Variants in RGS6 observed in about 807,000 individuals in gnomAD.
RGS6 encodes the protein regulator of G-protein signaling 6.
Under a neutral mutation model 78.5 loss-of-function variants are expected in RGS6, and 30 were observed. The ratio of observed to expected loss-of-function variants is 0.38; its 90% CI spans 0.29 to 0.52. The LOEUF is 0.52. Ranked by LOEUF, RGS6 falls within the 20% of genes least tolerant of loss-of-function variation. The pLI is 0.85. For missense variants in RGS6, 495 were observed against 609.7 expected (o/e 0.81, Z 1.98); for synonymous variants, 206 against 206.0 (o/e 1.00, Z 0.00).
intron 2 of RGS6, among the ~76,000 whole-genome samples, chr14:72,027,496 C>G (rs914838001): frequency 7.2e-5 from 11 of 152,062 alleles, no homozygotes; most frequent in Admixed American, 3.9e-4. Flanking sequence ...AATCTGCCCA[C>G]CCTCTTCCAC....
intron 2 of RGS6, among the ~76,000 whole-genome samples, chr14:72,337,648 C>T (rs2076286407): frequency 6.6e-6 from 1 of 152,146 alleles, no homozygotes; most frequent in African/African-American, 2.4e-5. Flanking sequence ...TTTTCCTAGG[C>T]CCTGCCTGAC....
intron 2 of RGS6, among the ~76,000 whole-genome samples, chr14:72,267,326 G>A (rs2059228900): frequency 6.8e-6 from 1 of 147,490 alleles, no homozygotes; most frequent in Admixed American, 7.0e-5. Flanking sequence ...AAATTATAAT[G>A]ACATGCAAAT....
intron 13 of RGS6, 98 bp from the exon 14 acceptor site, chr14:72,510,056 T>C: frequency 7.3e-7 from 1 of 1,368,926 alleles, no homozygotes; most frequent in Non-Finnish European, 9.9e-7. Context: ...TTCCCTTTGG[T>C]GAGTGACTGC....
At chr14:72,578,737 A>G in the RGS6 span, among the ~76,000 whole-genome samples, 9 of 152,256 alleles carry the variant, frequency 5.9e-5, no homozygotes, top group African/African-American at 2.2e-4. Context: ...AAGGAACTAT[A>G]AAAGCATTTT....
At chr14:72,185,973 A>G (rs150780312) in intron 2 of RGS6, among the ~76,000 whole-genome samples, 12 of 152,356 alleles carry the variant, frequency 7.9e-5, no homozygotes, top group African/African-American at 2.6e-4. Flanking sequence ...TCACACATCA[A>G]CCACTTTCCT....
chr14:72,606,836 G>A, the RGS6 span, among the ~76,000 whole-genome samples: 3 of 152,212 alleles, frequency 2.0e-5, no homozygotes, highest in South Asian at 4.2e-4. Flanking sequence ...CACTAGAACT[G>A]ATTGTTAAAA....
chr14:72,178,116 G>A (rs943765970), intron 2 of RGS6, among the ~76,000 whole-genome samples: 8 of 152,224 alleles, frequency 5.3e-5, no homozygotes, highest in African/African-American at 1.7e-4. Context: ...CCAGATCTCA[G>A]GATGGACATA....
rs185530646 is a variant in RGS6, at chr14:72,051,095, A to G, written c.84+86220A>G. 7.2e-3 allele frequency among the ~76,000 whole-genome samples: 1,104 copies of G among 152,308 alleles called. 6 individuals are homozygous for G. The highest frequency in any genetic ancestry group is 0.011 in the Admixed American group (169 of 15,298). On this transcript the variant is annotated intron_variant, in intron 2 of 17. Transcript: ENST00000553525. Reference sequence around the variant, plus strand: ...GATTTACAAGAAACTTTGATTAACAATTATACTAGCACAACTTTGTTAAAT... The same window carrying G: ...GATTTACAAGAAACTTTGATTAACAGTTATACTAGCACAACTTTGTTAAAT...
At chr14:72,231,599 T>C (rs1265811816) in intron 2 of RGS6, among the ~76,000 whole-genome samples, 3 of 152,138 alleles carry the variant, frequency 2.0e-5, no homozygotes, top group South Asian at 2.1e-4. Flanking sequence ...AAGCGTGTTA[T>C]GAAGAATAGT....
intron 13 of RGS6, among the ~76,000 whole-genome samples, chr14:72,502,035 C>T (rs1189817703): frequency 6.6e-6 from 1 of 152,178 alleles, no homozygotes; most frequent in Non-Finnish European, 1.5e-5. Flanking sequence ...GACACCAAGA[C>T]CAAGGCCAGA....
At chr14:72,198,744 G>A (rs995876088) in intron 2 of RGS6, among the ~76,000 whole-genome samples, 1 of 152,224 alleles carries the variant, frequency 6.6e-6, no homozygotes, top group Non-Finnish European at 1.5e-5. Context: ...TAGGACATGT[G>A]CCTCCAGGGC....
intron 2 of RGS6, among the ~76,000 whole-genome samples, chr14:72,274,787 G>A (rs542138254): frequency 8.5e-4 from 129 of 152,248 alleles, no homozygotes; most frequent in African/African-American, 3.1e-3. Flanking sequence ...CTCTCCCAGG[G>A]ACTTCAGAAG....
intron 13 of RGS6, among the ~76,000 whole-genome samples, chr14:72,508,402 C>T (rs899598272): frequency 6.6e-6 from 1 of 152,104 alleles, no homozygotes; most frequent in Non-Finnish European, 1.5e-5. Flanking sequence ...GTTCATCAGT[C>T]ACACTAGCCA....
chr14:71,875,488 A>T, the RGS6 span, among the ~76,000 whole-genome samples: 81 of 152,214 alleles, frequency 5.3e-4, 2 homozygotes, highest in Admixed American at 5.2e-3. Flanking sequence ...ATCGGTGATG[A>T]TATCCCCTTT....
At chr14:72,603,300 A>G in the RGS6 span, among the ~76,000 whole-genome samples, 1 of 152,214 alleles carries the variant, frequency 6.6e-6, no homozygotes, top group Non-Finnish European at 1.5e-5. Context: ...GGCTGTAGTA[A>G]CCCAACAACA....
rs891506617 is a variant in RGS6 at position 72,240,066 on chromosome 14, G to A, written c.85-112029G>A. ...CGCTTAAAGCTCACTATGGATGGCG[G>A]AGTGTTTCAACATAAAACCCAGGTC... On this transcript the variant is annotated intron_variant, in intron 2 of 17. Coordinates refer to ENST00000553525, the MANE Select transcript of RGS6 (RefSeq NM_001204424.2). 3.3e-5 allele frequency among the ~76,000 whole-genome samples: 5 copies of A among 152,176 alleles called. No individual in the cohort carries two copies. In the East Asian group the frequency reaches 9.6e-4, roughly 29 times the overall value.
chr14:72,530,852 A>C (rs1300346230), intron 15 of RGS6, among the ~76,000 whole-genome samples: 1 of 152,248 alleles, frequency 6.6e-6, no homozygotes, highest in Non-Finnish European at 1.5e-5. Context: ...TGCAGAGAGC[A>C]GGAACTTGAT....
At chr14:72,627,546 C>A in the RGS6 span, among the ~76,000 whole-genome samples, 1 of 152,030 alleles carries the variant, frequency 6.6e-6, no homozygotes, top group African/African-American at 2.4e-5. Context: ...ACTGTTTTAT[C>A]TATAGAGGCT....
the RGS6 span, among the ~76,000 whole-genome samples, chr14:72,603,452 C>T: frequency 6.6e-6 from 1 of 152,262 alleles, no homozygotes; most frequent in African/African-American, 2.4e-5. Flanking sequence ...ATGAGGCAAA[C>T]TGTGCTCCAC....
Sources: allele counts gnomAD v4.1 joint callset (sites outside exome capture counted in the v4.1 genomes callset), GRCh38; gene constraint gnomAD v4.1.1; transcripts MANE v1.5; gene names NCBI Gene and HGNC (gene_info 2026-07-23, HGNC 2026-07-21).